GALNT8: variants seen among roughly 807,000 people sequenced by gnomAD.
GALNT8 encodes the protein probable polypeptide N-acetylgalactosaminyltransferase 8.
GALNT8 carries 66 observed loss-of-function variants against 62.7 expected under a neutral mutation model. That is an observed-to-expected ratio of 1.05 (90% CI 0.86 to 1.29). GALNT8 has a LOEUF of 1.29. Ranked by LOEUF, GALNT8 falls within the 50% of genes most tolerant of loss-of-function variation. The pLI, the probability that GALNT8 is intolerant of heterozygous loss-of-function variation, is 0.00. For synonymous variants in GALNT8, 288 were observed against 294.3 expected (o/e 0.98, Z 0.22); for missense variants, 771 against 791.8 (o/e 0.97, Z 0.32).
In GALNT8 at chr12:4,729,337, T is replaced by C. The variant is rs113218123; in HGVS notation, c.509+2508T>C. Among the ~76,000 whole-genome samples the C allele has an allele frequency of 1.9e-3, 295 of 152,288 alleles. 2 individuals are homozygous for C. The highest frequency in any genetic ancestry group is 6.5e-3 in the African/African-American group (271 of 41,574). On this transcript the variant is annotated intron_variant, in intron 2 of 10. Coordinates refer to ENST00000252318, the MANE Select transcript of GALNT8 (RefSeq NM_017417.2). Reference sequence around the variant, plus strand: ...GAATACCACATATTGCTATTGACAATAGTCACCATGTCGTACAATACAACT... The same window carrying C: ...GAATACCACATATTGCTATTGACAACAGTCACCATGTCGTACAATACAACT...
intron 1 of GALNT8, among the ~76,000 whole-genome samples, chr12:4,722,056 G>GC (rs2137514945): frequency 6.6e-6 from 1 of 152,340 alleles, no homozygotes; most frequent in South Asian, 2.1e-4. Context: ...GTTTCAGGGA[G>GC]CACGGGGTTG....
rs1013714756 is a variant in GALNT8 at position 4,739,375 on chromosome 12, A to G, written c.676+46A>G. ...ATAATTGTAAAAATGACCACTTATC[A>G]TCTGTGCTTGGCTGGAAAGAGGTTT... On this transcript the variant is annotated intron_variant, in intron 3 of 10. Transcript: ENST00000252318. 2.0e-6 allele frequency: 3 copies of G among 1,513,676 alleles called. No individual in the cohort carries two copies. In the African/African-American group the frequency reaches 4.1e-5, roughly 21 times the overall value. 93.8% of individuals were successfully genotyped at this position (1,513,676 alleles called of 1,614,324 possible).
rs1251361034 is a variant in GALNT8 at position 4,772,520 on chromosome 12, G to A, written c.1837G>A (p.Val613Met). 1.9e-6 allele frequency: 3 copies of A among 1,613,800 alleles called. No homozygotes were observed. Among genetic ancestry groups the A allele is most frequent in the East Asian group, 2.2e-5 (1 of 44,882 alleles). The change falls in exon 11 of 11, where the codon GTG becomes ATG. Residue 613 changes from valine (V) to methionine (M), a missense_variant. Transcript: ENST00000252318. The part of the protein sequence containing the change: ...KKDLLGSHVL[V>M]LQTCSTQVWE... Reference sequence around the variant, plus strand: ...GGATCTTTTGGGTAGCCACGTGCTTGTGCTCCAGACCTGTAGCACGCAAGT... The same window carrying A: ...GGATCTTTTGGGTAGCCACGTGCTTATGCTCCAGACCTGTAGCACGCAAGT...
chr12:4,739,601 G>C (rs1357009829), intron 3 of GALNT8, among the ~76,000 whole-genome samples: 1 of 151,902 alleles, frequency 6.6e-6, no homozygotes, highest in Non-Finnish European at 1.5e-5. Context: ...TGGCAGAGGT[G>C]GGAGTTAGGC....
chr12:4,735,955 C>T (rs1399979765), intron 2 of GALNT8, among the ~76,000 whole-genome samples: 1 of 152,180 alleles, frequency 6.6e-6, no homozygotes, highest in African/African-American at 2.4e-5. Flanking sequence ...TCTGAAACAA[C>T]AGAGATCTTG....
At chr12:4,757,549 A>G (rs947474144) in intron 6 of GALNT8, among the ~76,000 whole-genome samples, 1 of 152,190 alleles carries the variant, frequency 6.6e-6, no homozygotes, top group Non-Finnish European at 1.5e-5. Flanking sequence ...CCATATTTGT[A>G]TTCTAGCCAG....
At chr12:4,759,400 C>T (rs1428369043) in intron 6 of GALNT8, among the ~76,000 whole-genome samples, 1 of 151,084 alleles carries the variant, frequency 6.6e-6, no homozygotes, top group Non-Finnish European at 1.5e-5. Context: ...AGTGGCTGTG[C>T]CCTTATAGCA....
chr12:4,766,237 A>C (rs1202198865), intron 10 of GALNT8, among the ~76,000 whole-genome samples: 1 of 152,190 alleles, frequency 6.6e-6, no homozygotes, highest in Non-Finnish European at 1.5e-5. Flanking sequence ...AGGAGAAGAA[A>C]TATTGGAGTC....
intron 6 of GALNT8, among the ~76,000 whole-genome samples, chr12:4,754,132 A>G (rs1213851797): frequency 6.6e-6 from 1 of 152,170 alleles, no homozygotes; most frequent in Non-Finnish European, 1.5e-5. Flanking sequence ...GCTCTGGGTC[A>G]GACCTGAAGG....
At chr12:4,742,962 T>C (rs1365339542) in intron 3 of GALNT8, among the ~76,000 whole-genome samples, 1 of 152,220 alleles carries the variant, frequency 6.6e-6, no homozygotes, top group Non-Finnish European at 1.5e-5. Flanking sequence ...CTATGGCTCA[T>C]AAAAATTTGG....
intron 6 of GALNT8, among the ~76,000 whole-genome samples, chr12:4,752,285 A>G (rs533877096): frequency 1.7e-4 from 26 of 152,026 alleles, no homozygotes; most frequent in Non-Finnish European, 3.4e-4. Flanking sequence ...TACTTCTGCT[A>G]TTTTGTTATC....
At chr12:4,720,942 G>A (rs1388518309) in intron 1 of GALNT8, 54 bp downstream of exon 1, 12 of 1,121,290 alleles carry the variant, frequency 1.1e-5, no homozygotes, top group Non-Finnish European at 1.6e-5. Flanking sequence ...TGTGTTTGGG[G>A]CACTTAGGAA....
rs143131198 is a variant in GALNT8, at chr12:4,731,292, C to T, written c.509+4463C>T. Reference sequence around the variant, plus strand: ...TATAGAATTGCTTGATTTCCTTTTTCGACAGTTTGCTGTCAGTGTATAGTA... The same window carrying T: ...TATAGAATTGCTTGATTTCCTTTTTTGACAGTTTGCTGTCAGTGTATAGTA... On this transcript the variant is annotated intron_variant, in intron 2 of 10. Coordinates refer to ENST00000252318, the MANE Select transcript of GALNT8 (RefSeq NM_017417.2). Among the ~76,000 whole-genome samples, 366 of 152,130 alleles carry T rather than the reference C, an allele frequency of 2.4e-3. 1 individual carries two copies. Among genetic ancestry groups the T allele is most frequent in the Non-Finnish European group, 4.0e-3 (272 of 67,986 alleles).
Position 4,744,687 on chromosome 12 carries a change from G to GT in GALNT8, c.848dup (p.Asn284GlnfsTer25). 2.5e-6 allele frequency: 4 copies of GT among 1,609,988 alleles called. No homozygotes were observed. The highest frequency in any genetic ancestry group is 1.7e-6 in the Non-Finnish European group (2 of 1,177,438). On this transcript the variant is annotated frameshift_variant, in exon 4 of 11. Transcript: ENST00000252318. LOFTEE classifies it high-confidence loss of function. The stretch of plus-strand genomic sequence containing the variant: ...CGCCATCTTGGATGCTCACATTGAA[G>GT]TCAATGTTGGGTGGTAAGGCTCAAA...
chr12:4,728,984 C>A (rs1946208671), intron 2 of GALNT8, among the ~76,000 whole-genome samples: 1 of 152,124 alleles, frequency 6.6e-6, no homozygotes, highest in Non-Finnish European at 1.5e-5. Flanking sequence ...TTAGATCTTC[C>A]AATCCACGGC....
At chr12:4,723,726 G>T (rs1209081458) in intron 1 of GALNT8, among the ~76,000 whole-genome samples, 2 of 150,054 alleles carry the variant, frequency 1.3e-5, no homozygotes, top group African/African-American at 2.5e-5. Flanking sequence ...AAGTCTTCTG[G>T]GCCCTGTTTC....
At chr12:4,765,311 G>T in intron 9 of GALNT8, 68 bp from the exon 10 acceptor site, 2 of 1,399,446 alleles carry the variant, frequency 1.4e-6, no homozygotes, top group South Asian at 3.1e-5. Flanking sequence ...CCTCGGGCTA[G>T]GGTCTCCTGC....
chr12:4,760,830 A>G (rs1001920643), intron 6 of GALNT8, 128 bp from the exon 7 acceptor site: 4 of 702,684 alleles, frequency 5.7e-6, no homozygotes, highest in Non-Finnish European at 9.9e-6. Context: ...AGGCAATATA[A>G]AGGCAGGAGT....
At chr12:4,767,026 T>G (rs1946403116) in intron 10 of GALNT8, among the ~76,000 whole-genome samples, 1 of 151,804 alleles carries the variant, frequency 6.6e-6, no homozygotes, top group African/African-American at 2.4e-5. Flanking sequence ...AAGCTCCAAT[T>G]CTATGGAACT....
Sources: gnomAD v4.1 joint callset for allele counts (sites outside exome capture counted in the v4.1 genomes callset) on GRCh38, gnomAD v4.1.1 for gene constraint, MANE v1.5 for transcripts, NCBI Gene and HGNC (gene_info 2026-07-23, HGNC 2026-07-21) for gene names.